The following EIPR1 variants were observed in gnomAD, a reference collection of about 807,000 sequenced individuals.
EIPR1 encodes EARP and GARP complex-interacting protein 1.
EIPR1 carries 25 observed loss-of-function variants against 48.1 expected under a neutral mutation model. That is an observed-to-expected ratio of 0.52 (90% CI 0.38 to 0.73). EIPR1 has a LOEUF of 0.73. Among genes scored for constraint, EIPR1 ranks in the 30% least tolerant of loss-of-function variants. EIPR1 has a pLI of 0.00. For missense variants in EIPR1, 415 were observed against 506.2 expected (o/e 0.82, Z 1.73); for synonymous variants, 204 against 201.9 (o/e 1.01, Z -0.09).
At chr2:3,353,458 T>C in intron 2 of EIPR1, 1 of 373,684 alleles carries the variant, frequency 2.7e-6, no homozygotes, top group Non-Finnish European at 5.3e-6. Flanking sequence ...TAACTTTTAA[T>C]GAGTGTAATA....
chr2:3,348,616 C>T (rs1221025367), intron 2 of EIPR1, among the ~76,000 whole-genome samples: 1 of 152,244 alleles, frequency 6.6e-6, no homozygotes. Flanking sequence ...GAAACAGACA[C>T]AAATCAGTTC....
chr2:3,291,153 G>A (rs1037602528), intron 3 of EIPR1, among the ~76,000 whole-genome samples: 8 of 152,202 alleles, frequency 5.3e-5, no homozygotes, highest in African/African-American at 1.9e-4. Context: ...GCCTGGGGGT[G>A]GGGCGAGAAC....
intron 3 of EIPR1, among the ~76,000 whole-genome samples, chr2:3,269,764 G>A (rs538576628): frequency 5.9e-5 from 9 of 151,924 alleles, no homozygotes; most frequent in South Asian, 4.2e-4. Flanking sequence ...TGGAAATCTC[G>A]CTTCGTCCAA....
intron 3 of EIPR1, among the ~76,000 whole-genome samples, chr2:3,322,978 T>C (rs1386844990): frequency 6.6e-6 from 1 of 152,144 alleles, no homozygotes; most frequent in East Asian, 1.9e-4. Context: ...AGCCAATATA[T>C]AAGCGAAAAG....
intron 4 of EIPR1, among the ~76,000 whole-genome samples, chr2:3,214,777 T>C (rs1558228115): frequency 6.6e-6 from 1 of 152,192 alleles, no homozygotes; most frequent in African/African-American, 2.4e-5. Context: ...CGAAATGCAA[T>C]TTCTACGAAT....
At chr2:3,201,809 G>A (rs115378738) in intron 5 of EIPR1, among the ~76,000 whole-genome samples, 109 of 152,318 alleles carry the variant, frequency 7.2e-4, no homozygotes, top group African/African-American at 2.3e-3. Context: ...GCAACATTAC[G>A]TCAAAAACTA....
At chr2:3,304,215 C>T (rs1038501601) in intron 3 of EIPR1, among the ~76,000 whole-genome samples, 4 of 152,202 alleles carry the variant, frequency 2.6e-5, no homozygotes, top group Admixed American at 2.6e-4. Context: ...CAGGGAACAG[C>T]GTGCTGTGCG....
At chr2:3,300,283 G>A (rs1277944326) in intron 3 of EIPR1, among the ~76,000 whole-genome samples, 1 of 152,188 alleles carries the variant, frequency 6.6e-6, no homozygotes, top group Non-Finnish European at 1.5e-5. Flanking sequence ...AGTTTCCCCT[G>A]TAACACATGT....
chr2:3,268,043 C>T (rs1160711653), intron 3 of EIPR1, among the ~76,000 whole-genome samples: 2 of 152,212 alleles, frequency 1.3e-5, no homozygotes, highest in Non-Finnish European at 2.9e-5. Flanking sequence ...CAGGGGCTTC[C>T]ACGCCATGGT....
intron 3 of EIPR1, among the ~76,000 whole-genome samples, chr2:3,280,614 AGTC>A (rs1667986579): frequency 6.6e-6 from 1 of 152,222 alleles, no homozygotes; most frequent in Non-Finnish European, 1.5e-5. Context: ...GCCTTGTCTA[AGTC>A]AGCTACAAGT....
intron 5 of EIPR1, among the ~76,000 whole-genome samples, chr2:3,200,207 G>T (rs368271646): frequency 2.0e-5 from 3 of 152,082 alleles, no homozygotes; most frequent in Admixed American, 6.6e-5. Context: ...AGCCCCAAGC[G>T]GATGGCTGCC....
intron 3 of EIPR1, 70 bp from the exon 4 acceptor site, chr2:3,257,525 G>A (rs926025215): frequency 2.1e-5 from 32 of 1,557,048 alleles, no homozygotes; most frequent in African/African-American, 8.1e-5. Flanking sequence ...GACAGCACAC[G>A]CACATTTACA....
At chr2:3,238,157 A>G (rs1025995109) in intron 4 of EIPR1, among the ~76,000 whole-genome samples, 1 of 152,202 alleles carries the variant, frequency 6.6e-6, no homozygotes, top group South Asian at 2.1e-4. Flanking sequence ...GAAGAAAAAA[A>G]CCTCCAAGAG....
intron 4 of EIPR1, among the ~76,000 whole-genome samples, chr2:3,228,112 C>A (rs900727091): frequency 1.3e-5 from 2 of 152,240 alleles, no homozygotes; most frequent in Non-Finnish European, 2.9e-5. Flanking sequence ...GTAGATCCAC[C>A]AACAGCTTGC....
At chr2:3,348,204 G>A (rs1670462758) in intron 2 of EIPR1, among the ~76,000 whole-genome samples, 1 of 152,182 alleles carries the variant, frequency 6.6e-6, no homozygotes, top group East Asian at 1.9e-4. Flanking sequence ...GCCAGGGGAG[G>A]AAACGAGCTG....
intron 3 of EIPR1, among the ~76,000 whole-genome samples, chr2:3,284,659 CAG>C (rs1668121957): frequency 6.6e-6 from 1 of 152,236 alleles, no homozygotes; most frequent in Admixed American, 6.5e-5. Flanking sequence ...TGAGAAAAGT[CAG>C]GGGCAGAGAA....
At chr2:3,275,868 T>C (rs951743806) in intron 3 of EIPR1, among the ~76,000 whole-genome samples, 1 of 152,176 alleles carries the variant, frequency 6.6e-6, no homozygotes, top group South Asian at 2.1e-4. Context: ...AAGATTATTA[T>C]AGAGGTTACA....
At chr2:3,214,358 T>C in intron 4 of EIPR1, 110 bp from the exon 5 acceptor site, 1 of 969,422 alleles carries the variant, frequency 1.0e-6, no homozygotes, top group Non-Finnish European at 1.6e-6. Flanking sequence ...TTTTCCGGCC[T>C]GTAGTCACTA....
intron 3 of EIPR1, among the ~76,000 whole-genome samples, chr2:3,324,831 A>G (rs967210140): frequency 3.4e-5 from 5 of 146,614 alleles, no homozygotes; most frequent in East Asian, 2.0e-4. Context: ...CCGCGCCTCC[A>G]GCACCTCGGG....
Sources: allele counts gnomAD v4.1 joint callset (sites outside exome capture counted in the v4.1 genomes callset), GRCh38; gene constraint gnomAD v4.1.1; transcripts MANE v1.5; gene names NCBI Gene and HGNC (gene_info 2026-07-23, HGNC 2026-07-21).